The following STXBP5L variants were observed in gnomAD, a reference collection of about 807,000 sequenced individuals.
STXBP5L encodes syntaxin binding protein 5L, also known as syntaxin-binding protein 5-like.
A neutral mutation model predicts 144.5 loss-of-function variants in STXBP5L; 65 were observed. The ratio of observed to expected loss-of-function variants is 0.45; its 90% CI spans 0.37 to 0.55. STXBP5L has a LOEUF of 0.55. Ranked by LOEUF, STXBP5L falls within the 20% of genes least tolerant of loss-of-function variation. STXBP5L has a pLI of 0.00. For missense variants in STXBP5L, 1,298 were observed against 1,405.5 expected (o/e 0.92, Z 1.22); for synonymous variants, 505 against 469.6 (o/e 1.08, Z -0.97).
chr3:121,267,721 AC>A lies in STXBP5L; in HGVS notation c.1958+8554del, dbSNP rs1157284727. ...ACTTTAACAAATTTACAAGAAAAAA[AC>A]AACCCCATCAAAAAGTTGGCAAACG... On this transcript the variant is annotated intron_variant, in intron 18 of 26. Transcript: ENST00000471454. Among the ~76,000 whole-genome samples the A allele has an allele frequency of 3.9e-5, 6 of 152,328 alleles. No homozygotes were observed. In the East Asian group the frequency reaches 1.2e-3, roughly 29 times the overall value.
At chr3:120,920,356 A>G (rs1468716127) in intron 2 of STXBP5L, among the ~76,000 whole-genome samples, 1 of 151,752 alleles carries the variant, frequency 6.6e-6, no homozygotes, top group Non-Finnish European at 1.5e-5. Flanking sequence ...TTAAAAATTT[A>G]ATACTTTTAA....
intron 20 of STXBP5L, among the ~76,000 whole-genome samples, chr3:121,365,954 A>G (rs900144886): frequency 2.0e-5 from 3 of 151,078 alleles, no homozygotes; most frequent in African/African-American, 7.3e-5. Flanking sequence ...TGTTTTTGGT[A>G]TGTTGTATTT....
chr3:121,280,054 A>G (rs564820726), intron 19 of STXBP5L, 98 bp downstream of exon 19: 153 of 1,339,190 alleles, frequency 1.1e-4, no homozygotes, highest in Admixed American at 8.6e-4. Flanking sequence ...ATTCAAATGC[A>G]TGGCAAAATA....
chr3:121,085,981 A>G (rs566758011), intron 5 of STXBP5L, among the ~76,000 whole-genome samples: 29 of 152,302 alleles, frequency 1.9e-4, no homozygotes, highest in South Asian at 1.7e-3. Context: ...CACATAGACC[A>G]ATAGAACAGA....
chr3:121,210,066 C>T (rs945390676), intron 10 of STXBP5L, among the ~76,000 whole-genome samples: 16 of 152,260 alleles, frequency 1.1e-4, no homozygotes, highest in Admixed American at 1.0e-3. Flanking sequence ...TAAAAGTGTT[C>T]CTATTTCTCC....
intron 9 of STXBP5L, among the ~76,000 whole-genome samples, chr3:121,201,486 T>C (rs1296686256): frequency 1.3e-5 from 2 of 152,216 alleles, no homozygotes; most frequent in African/African-American, 2.4e-5. Flanking sequence ...GTCTTGTCTT[T>C]AATTGGAGAC....
intron 3 of STXBP5L, among the ~76,000 whole-genome samples, chr3:120,966,176 C>T (rs1276105116): frequency 1.3e-5 from 2 of 152,166 alleles, no homozygotes; most frequent in Admixed American, 6.6e-5. Flanking sequence ...GTTAGCCATT[C>T]ATCTTATCTT....
intron 5 of STXBP5L, among the ~76,000 whole-genome samples, chr3:121,080,904 A>G (rs2107691780): frequency 6.6e-6 from 1 of 152,308 alleles, no homozygotes; most frequent in South Asian, 2.1e-4. Flanking sequence ...TTGGATGTCT[A>G]GATCCCTATC....
At chr3:121,090,760 A>T (rs188910807) in intron 5 of STXBP5L, among the ~76,000 whole-genome samples, 2 of 150,780 alleles carry the variant, frequency 1.3e-5, no homozygotes, top group Admixed American at 1.3e-4. Flanking sequence ...CTCAGATGGT[A>T]TGAATTTTTT....
At chr3:120,981,016 G>T (rs906291756) in intron 3 of STXBP5L, among the ~76,000 whole-genome samples, 1 of 151,900 alleles carries the variant, frequency 6.6e-6, no homozygotes, top group Non-Finnish European at 1.5e-5. Flanking sequence ...TCTTCAAAGA[G>T]ACTGAAAATA....
chr3:121,023,922 AT>A (rs537618747), intron 3 of STXBP5L, among the ~76,000 whole-genome samples: 4 of 150,960 alleles, frequency 2.6e-5, no homozygotes, highest in Admixed American at 6.6e-5. Context: ...CCCCCAGCTA[AT>A]TTTTTTTTGT....
chr3:121,278,353 C>A (rs2050948225), intron 18 of STXBP5L, among the ~76,000 whole-genome samples: 1 of 151,930 alleles, frequency 6.6e-6, no homozygotes, highest in South Asian at 2.1e-4. Context: ...CTGACAACTA[C>A]TGCCTGACTT....
At chr3:121,004,573 A>T (rs571160945) in intron 3 of STXBP5L, among the ~76,000 whole-genome samples, 39 of 152,030 alleles carry the variant, frequency 2.6e-4, no homozygotes, top group African/African-American at 7.5e-4. Flanking sequence ...CCTGGCCAGA[A>T]CTTCCAACAC....
chr3:121,033,826 G>T (rs1243535082), intron 3 of STXBP5L, among the ~76,000 whole-genome samples: 1 of 151,834 alleles, frequency 6.6e-6, no homozygotes, highest in Non-Finnish European at 1.5e-5. Flanking sequence ...TAAACTAAAT[G>T]TCACAGCTGA....
At chr3:121,092,179 T>C (rs529670231) in intron 5 of STXBP5L, among the ~76,000 whole-genome samples, 44 of 152,288 alleles carry the variant, frequency 2.9e-4, no homozygotes, top group Non-Finnish European at 5.1e-4. Flanking sequence ...TGTAGCCTTG[T>C]AGTATAGTTT....
At chr3:121,359,452 T>C (rs547162791) in intron 20 of STXBP5L, among the ~76,000 whole-genome samples, 1 of 152,294 alleles carries the variant, frequency 6.6e-6, no homozygotes, top group East Asian at 1.9e-4. Context: ...CTGAGTTTTT[T>C]AACTTGATGT....
chr3:121,307,615 C>T (rs1464455759), intron 19 of STXBP5L, among the ~76,000 whole-genome samples: 1 of 151,790 alleles, frequency 6.6e-6, no homozygotes, highest in Non-Finnish European at 1.5e-5. Flanking sequence ...TTAATAGAGA[C>T]AGTGCATTCT....
intron 2 of STXBP5L, among the ~76,000 whole-genome samples, chr3:120,934,924 G>A (rs1312643540): frequency 6.6e-6 from 1 of 151,806 alleles, no homozygotes; most frequent in African/African-American, 2.4e-5. Flanking sequence ...CATATAGTGG[G>A]GGACTGGTTT....
intron 3 of STXBP5L, among the ~76,000 whole-genome samples, chr3:121,035,993 C>G (rs1301368740): frequency 1.3e-5 from 2 of 151,960 alleles, no homozygotes; most frequent in East Asian, 3.9e-4. Flanking sequence ...ATGAATTTTT[C>G]TTAATATATA....
Sources: allele counts gnomAD v4.1 joint callset (sites outside exome capture counted in the v4.1 genomes callset), GRCh38; gene constraint gnomAD v4.1.1; transcripts MANE v1.5; gene names NCBI Gene and HGNC (gene_info 2026-07-23, HGNC 2026-07-21).